ADARB2: variants seen among roughly 807,000 people sequenced by gnomAD.
The protein encoded by ADARB2 is adenosine deaminase RNA specific B2 (inactive), also known as inactive double-stranded RNA-specific editase B2.
A neutral mutation model predicts 62.2 loss-of-function variants in ADARB2; 25 were observed. That is an observed-to-expected ratio of 0.40 (90% CI 0.29 to 0.56). The LOEUF (loss-of-function observed/expected upper bound fraction) is 0.56, where lower values mean the gene tolerates loss of function less well. Among genes scored for constraint, ADARB2 ranks in the 20% least tolerant of loss-of-function variants. The pLI is 0.43. For synonymous variants in ADARB2, 572 were observed against 500.8 expected, an observed-to-expected ratio of 1.14 and a Z score of -1.90; for missense variants, 1,071 against 1,077.4, an observed-to-expected ratio of 0.99 and a Z score of 0.08.
At chr10:1,300,080 G>A (rs1294858800) in intron 3 of ADARB2, among the ~76,000 whole-genome samples, 1 of 152,160 alleles carries the variant, frequency 6.6e-6, no homozygotes, top group Non-Finnish European at 1.5e-5. Flanking sequence ...GCAGGGATGA[G>A]ATTTTCCCAC....
At chr10:1,663,357 G>T (rs1449117045) in intron 1 of ADARB2, among the ~76,000 whole-genome samples, 1 of 152,308 alleles carries the variant, frequency 6.6e-6, no homozygotes, top group African/African-American at 2.4e-5. Context: ...ATTGCGACAA[G>T]TGCATCTCCC....
rs931269125 is a variant in ADARB2, at chr10:1,601,241, C to T, written c.100+135810G>A. Among the ~76,000 whole-genome samples the T allele has an allele frequency of 3.3e-5, 5 of 152,170 alleles. No homozygotes were observed. The South Asian group carries it at 8.3e-4, about 25-fold the overall frequency. On this transcript the variant is annotated intron_variant, in intron 1 of 9. Coordinates refer to ENST00000381312, the MANE Select transcript of ADARB2 (RefSeq NM_018702.4). ...GAGCTTCCCTAGGTTTTTGTGAAGC[C>T]TGTGAGTGGTCACTGGAGCCCAGGC...
chr10:1,273,695 G>T (rs1435027819), intron 3 of ADARB2, among the ~76,000 whole-genome samples: 1 of 152,184 alleles, frequency 6.6e-6, no homozygotes, highest in South Asian at 2.1e-4. Context: ...GCCCCAACAG[G>T]CCTCAGCTAT....
At chr10:1,610,161 C>T (rs548393358) in intron 1 of ADARB2, among the ~76,000 whole-genome samples, 2 of 152,334 alleles carry the variant, frequency 1.3e-5, no homozygotes, top group Admixed American at 1.3e-4. Context: ...TAGGCCCCCT[C>T]CAGCCTGTTC....
At chr10:1,201,013 A>G (rs931406115) in intron 7 of ADARB2, among the ~76,000 whole-genome samples, 14 of 152,248 alleles carry the variant, frequency 9.2e-5, no homozygotes, top group African/African-American at 3.4e-4. Flanking sequence ...GAAGCAGTCA[A>G]TTAACACAGG....
chr10:1,269,871 T>G (rs530287431), intron 4 of ADARB2, among the ~76,000 whole-genome samples: 2 of 152,158 alleles, frequency 1.3e-5, no homozygotes, highest in South Asian at 4.2e-4. Flanking sequence ...ATTTAGAACA[T>G]TCCTAATTCC....
At chr10:1,696,709 G>A (rs1283453021) in intron 1 of ADARB2, among the ~76,000 whole-genome samples, 2 of 152,162 alleles carry the variant, frequency 1.3e-5, no homozygotes, top group Non-Finnish European at 2.9e-5. Context: ...AGCCTGGGTG[G>A]TAGCCTCCTC....
intron 4 of ADARB2, among the ~76,000 whole-genome samples, chr10:1,266,962 TGAA>T (rs931510706): frequency 2.6e-5 from 4 of 152,058 alleles, no homozygotes; most frequent in Non-Finnish European, 5.9e-5. Context: ...AGTAAAAGAA[TGAA>T]GAGACAAATT....
At chr10:1,409,409 G>T (rs1832736290) in intron 1 of ADARB2, among the ~76,000 whole-genome samples, 1 of 152,228 alleles carries the variant, frequency 6.6e-6, no homozygotes, top group Non-Finnish European at 1.5e-5. Context: ...GTGTGGCTTG[G>T]CCATCGCTGT....
At chr10:1,580,481 G>A (rs1410863460) in intron 1 of ADARB2, among the ~76,000 whole-genome samples, 1 of 149,878 alleles carries the variant, frequency 6.7e-6, no homozygotes, top group Non-Finnish European at 1.5e-5. Flanking sequence ...TTCTTTCTGA[G>A]ATGAGAAAAT....
At chr10:1,309,497 G>A (rs1486023435) in intron 3 of ADARB2, among the ~76,000 whole-genome samples, 1 of 152,236 alleles carries the variant, frequency 6.6e-6, no homozygotes, top group African/African-American at 2.4e-5. Flanking sequence ...GTGGTCCTGG[G>A]AAGTCCGGTG....
chr10:1,675,585 C>T (rs1242136527), intron 1 of ADARB2, among the ~76,000 whole-genome samples: 36 of 81,092 alleles, frequency 4.4e-4, no homozygotes, highest in Middle Eastern at 0.01. Context: ...CAGGGATGCA[C>T]GGAAGTTCTG....
intron 1 of ADARB2, among the ~76,000 whole-genome samples, chr10:1,408,694 G>A (rs919372065): frequency 1.3e-5 from 2 of 152,148 alleles, no homozygotes; most frequent in Non-Finnish European, 2.9e-5. Context: ...AGGGAGGCTC[G>A]GCTGTTGTGT....
chr10:1,732,454 C>G (rs1280345464), intron 1 of ADARB2, among the ~76,000 whole-genome samples: 1 of 152,140 alleles, frequency 6.6e-6, no homozygotes, highest in Admixed American at 6.5e-5. Context: ...CAAACTCGCA[C>G]GTCATATCTA....
intron 7 of ADARB2, among the ~76,000 whole-genome samples, chr10:1,204,047 G>T (rs778634251): frequency 2.6e-5 from 4 of 152,104 alleles, no homozygotes; most frequent in Non-Finnish European, 5.9e-5. Context: ...TACCTTTCAC[G>T]GCATTGGAAG....
At chr10:1,591,705 C>G (rs1487842779) in intron 1 of ADARB2, among the ~76,000 whole-genome samples, 1 of 152,120 alleles carries the variant, frequency 6.6e-6, no homozygotes, top group Non-Finnish European at 1.5e-5. Flanking sequence ...ACCCCCCCAC[C>G]TGCCGCCGTC....
intron 1 of ADARB2, among the ~76,000 whole-genome samples, chr10:1,707,559 C>A (rs1241595917): frequency 1.3e-5 from 2 of 152,170 alleles, no homozygotes; most frequent in Non-Finnish European, 2.9e-5. Context: ...GTTTGAAAAT[C>A]GATCCCGTGG....
chr10:1,629,263 GCA>G (rs760355485), intron 1 of ADARB2, among the ~76,000 whole-genome samples: 8 of 152,224 alleles, frequency 5.3e-5, no homozygotes, highest in African/African-American at 1.9e-4. Context: ...ATGAGCCAGG[GCA>G]CAGTTTCTAC....
chr10:1,311,465 T>C (rs1187250556), intron 3 of ADARB2, among the ~76,000 whole-genome samples: 1 of 152,018 alleles, frequency 6.6e-6, no homozygotes, highest in East Asian at 1.9e-4. Context: ...AGTGGGTTCT[T>C]CCGGGAAATG....
Sources: gnomAD v4.1 joint callset for allele counts (sites outside exome capture counted in the v4.1 genomes callset) on GRCh38, gnomAD v4.1.1 for gene constraint, MANE v1.5 for transcripts, NCBI Gene and HGNC (gene_info 2026-07-23, HGNC 2026-07-21) for gene names.